TTC28: variants seen among roughly 807,000 people sequenced by gnomAD.
TTC28 encodes tetratricopeptide repeat domain 28.
TTC28 carries 61 observed loss-of-function variants against 198.0 expected under a neutral mutation model. The observed-to-expected ratio is 0.31, with a 90% CI of 0.25 to 0.38. TTC28 has a LOEUF of 0.38. TTC28 is among the 10% of genes least tolerant of loss of function. The pLI, the probability that TTC28 is intolerant of heterozygous loss-of-function variation, is 1.00. For missense variants in TTC28, 2,678 were observed against 3,164.0 expected (o/e 0.85, Z 3.69); for synonymous variants, 1,171 against 1,297.8 (o/e 0.90, Z 2.10).
intron 2 of TTC28, among the ~76,000 whole-genome samples, chr22:28,327,122 A>G (rs1041047979): frequency 6.6e-6 from 1 of 152,174 alleles, no homozygotes; most frequent in Non-Finnish European, 1.5e-5. Context: ...TATGCATATT[A>G]CACCTTATGT....
At position 27,981,989 on chromosome 22, in the gene TTC28, T is replaced by A; in HGVS notation, c.*232A>T. On this transcript the variant is annotated 3_prime_UTR_variant, in exon 23 of 23. Coordinates refer to ENST00000397906, the MANE Select transcript of TTC28 (RefSeq NM_001145418.2). ...ACATTTGGTGAAGTGTGTAGGAAAT[T>A]CCATGAGCCTCCTGTACCAGCCCCA... 1 of 427,112 alleles carries A rather than the reference T, an allele frequency of 2.3e-6. No homozygotes were observed. Among genetic ancestry groups the A allele is most frequent in the Non-Finnish European group, 4.1e-6 (1 of 243,846 alleles). The allele number at this position is 427,112 out of a possible 1,614,324, so 26.5% of individuals were successfully genotyped here.
intron 1 of TTC28, among the ~76,000 whole-genome samples, chr22:28,655,902 A>T (rs548076930): frequency 4.9e-4 from 74 of 152,078 alleles, no homozygotes; most frequent in Non-Finnish European, 9.3e-4. Context: ...ATAGGTAATG[A>T]CAAGTTCTTA....
At chr22:28,104,316 T>C (rs1484097796) in intron 8 of TTC28, among the ~76,000 whole-genome samples, 6 of 152,212 alleles carry the variant, frequency 3.9e-5, no homozygotes, top group African/African-American at 1.4e-4. Flanking sequence ...ATCACTGTAC[T>C]TCTCTGAGCC....
intron 22 of TTC28, 76 bp from the exon 23 acceptor site, chr22:27,983,927 C>T: frequency 7.0e-7 from 1 of 1,427,758 alleles, no homozygotes; most frequent in Non-Finnish European, 9.3e-7. Context: ...AAATTTACGA[C>T]ATCTTTATAT....
At chr22:28,081,716 T>C (rs1941370105) in intron 12 of TTC28, among the ~76,000 whole-genome samples, 1 of 152,184 alleles carries the variant, frequency 6.6e-6, no homozygotes, top group Admixed American at 6.5e-5. Flanking sequence ...GGTCTCAAAC[T>C]GCTGACCTCA....
At chr22:28,344,103 C>A (rs1255086582) in intron 2 of TTC28, among the ~76,000 whole-genome samples, 2 of 151,326 alleles carry the variant, frequency 1.3e-5, no homozygotes, top group African/African-American at 4.9e-5. Flanking sequence ...GTATTAACCA[C>A]ACATATACCA....
chr22:28,591,580 T>C (rs969262988), intron 2 of TTC28, among the ~76,000 whole-genome samples: 8 of 152,152 alleles, frequency 5.3e-5, no homozygotes, highest in Non-Finnish European at 1.0e-4. Flanking sequence ...TAAAAATTTT[T>C]TGAAATAATT....
At chr22:28,012,371 G>A (rs559566078) in intron 14 of TTC28, among the ~76,000 whole-genome samples, 14 of 152,312 alleles carry the variant, frequency 9.2e-5, no homozygotes, top group East Asian at 1.9e-4. Flanking sequence ...GGATGTGATC[G>A]GATCCGGGAG....
At chr22:28,097,026 A>G (rs1601615469) in intron 10 of TTC28, among the ~76,000 whole-genome samples, 2 of 151,978 alleles carry the variant, frequency 1.3e-5, no homozygotes, top group African/African-American at 4.8e-5. Context: ...GCTGGTCTCA[A>G]ACTCCTGGCC....
At chr22:28,528,742 A>AC in intron 2 of TTC28, among the ~76,000 whole-genome samples, 1 of 151,500 alleles carries the variant, frequency 6.6e-6, no homozygotes, top group South Asian at 2.1e-4. Flanking sequence ...TCTCATAAAA[A>AC]AAAAAAAAAA....
intron 6 of TTC28, among the ~76,000 whole-genome samples, chr22:28,157,361 T>C (rs529425159): frequency 9.2e-5 from 14 of 152,302 alleles, no homozygotes; most frequent in African/African-American, 3.4e-4. Context: ...TGATGAATTC[T>C]AACATTTAAA....
intron 12 of TTC28, among the ~76,000 whole-genome samples, chr22:28,037,885 G>T (rs1216170830): frequency 3.9e-5 from 6 of 152,134 alleles, no homozygotes; most frequent in Admixed American, 3.3e-4. Flanking sequence ...CAGACAAACA[G>T]AGAGCCAAAT....
At chr22:28,193,192 AT>A (rs1422346841) in intron 5 of TTC28, among the ~76,000 whole-genome samples, 5 of 152,320 alleles carry the variant, frequency 3.3e-5, no homozygotes, top group Admixed American at 1.3e-4. Context: ...ACTAAGCTTC[AT>A]TAAGTGAAGG....
intron 2 of TTC28, among the ~76,000 whole-genome samples, chr22:28,513,859 C>T (rs994983166): frequency 2.0e-5 from 3 of 151,750 alleles, no homozygotes; most frequent in Non-Finnish European, 2.9e-5. Flanking sequence ...AACAGAATTG[C>T]TATAACAATA....
intron 17 of TTC28, among the ~76,000 whole-genome samples, chr22:27,995,664 T>G (rs1380434639): frequency 6.6e-6 from 1 of 152,148 alleles, no homozygotes; most frequent in African/African-American, 2.4e-5. Context: ...TCTCAAATCC[T>G]CACGATAACC....
chr22:28,342,982 C>T (rs890943068), intron 2 of TTC28, among the ~76,000 whole-genome samples: 2 of 152,052 alleles, frequency 1.3e-5, no homozygotes, highest in Non-Finnish European at 2.9e-5. Flanking sequence ...GAACCAACTA[C>T]TCTCACAAAA....
chr22:28,148,969 T>C (rs566596874), intron 6 of TTC28, among the ~76,000 whole-genome samples: 83 of 152,290 alleles, frequency 5.5e-4, no homozygotes, highest in African/African-American at 2.0e-3. Context: ...CTTCATCCAT[T>C]CAAGACATAC....
Position 28,353,234 on chromosome 22 carries a change from C to T in TTC28, c.382-46591G>A, listed in dbSNP as rs140173944. ...ATGTATTGCCTTATATGTTGCAAGC[C>T]AATGAGGCCTTAAGGATTGTATTTT... On this transcript the variant is annotated intron_variant, in intron 2 of 22. Coordinates refer to ENST00000397906, the MANE Select transcript of TTC28 (RefSeq NM_001145418.2). Among the ~76,000 whole-genome samples, 64 of 152,102 alleles carry T rather than the reference C, an allele frequency of 4.2e-4. 1 individual carries two copies. The highest frequency in any genetic ancestry group is 1.4e-3 in the African/African-American group (60 of 41,502).
chr22:28,538,098 T>C (rs1320436897), intron 2 of TTC28, among the ~76,000 whole-genome samples: 1 of 152,186 alleles, frequency 6.6e-6, no homozygotes, highest in African/African-American at 2.4e-5. Flanking sequence ...TTTTAGATTA[T>C]TTTAAGAGAG....
Sources: gnomAD v4.1 joint callset for allele counts (sites outside exome capture counted in the v4.1 genomes callset) on GRCh38, gnomAD v4.1.1 for gene constraint, MANE v1.5 for transcripts, NCBI Gene and HGNC (gene_info 2026-07-23, HGNC 2026-07-21) for gene names.